The following ERP44 variants were observed in gnomAD, a reference collection of about 807,000 sequenced individuals.
ERP44 encodes endoplasmic reticulum resident protein 44.
ERP44 carries 25 observed loss-of-function variants against 53.4 expected under a neutral mutation model. The observed-to-expected ratio is 0.47, with a 90% confidence interval of 0.34 to 0.65. The LOEUF (loss-of-function observed/expected upper bound fraction) is 0.65. Ranked by LOEUF, ERP44 falls within the 30% of genes least tolerant of loss-of-function variation. ERP44 has a pLI of 0.01. For synonymous variants in ERP44, 145 were observed against 161.2 expected (o/e 0.90, Z 0.76); for missense variants, 338 against 493.2 (o/e 0.69, Z 2.98).
chr9:100,055,355 G>C (rs572748283), intron 3 of ERP44, among the ~76,000 whole-genome samples: 2 of 152,254 alleles, frequency 1.3e-5, no homozygotes, highest in African/African-American at 4.8e-5. Flanking sequence ...CATTTACCCT[G>C]ATGTGTGTTT....
At chr9:100,091,312 A>G (rs1826553841) in intron 1 of ERP44, among the ~76,000 whole-genome samples, 1 of 152,232 alleles carries the variant, frequency 6.6e-6, no homozygotes, top group African/African-American at 2.4e-5. Context: ...GGACAGAACC[A>G]AGACCCACAG....
At chr9:99,983,002 T>C (rs1489152114) in intron 11 of ERP44, among the ~76,000 whole-genome samples, 2 of 152,156 alleles carry the variant, frequency 1.3e-5, no homozygotes, top group African/African-American at 2.4e-5. Context: ...GACACCTGGG[T>C]GCTTTCCTAG....
chr9:99,991,765 C>A (rs926126206), intron 10 of ERP44, among the ~76,000 whole-genome samples: 1 of 151,944 alleles, frequency 6.6e-6, no homozygotes, highest in Non-Finnish European at 1.5e-5. Flanking sequence ...TGATAGACTG[C>A]TAGCAAGACT....
At chr9:99,994,724 C>G (rs1365564595) in intron 10 of ERP44, among the ~76,000 whole-genome samples, 1 of 152,074 alleles carries the variant, frequency 6.6e-6, no homozygotes, top group Non-Finnish European at 1.5e-5. Flanking sequence ...GCTCTATGTA[C>G]CTACTCTTTC....
At chr9:100,056,946 G>A (rs1826093370) in intron 3 of ERP44, among the ~76,000 whole-genome samples, 1 of 152,110 alleles carries the variant, frequency 6.6e-6, no homozygotes, top group Non-Finnish European at 1.5e-5. Context: ...TTAAGAAGGG[G>A]TATAAACTAA....
intron 4 of ERP44, among the ~76,000 whole-genome samples, chr9:100,049,940 A>G (rs1826018697): frequency 6.6e-6 from 1 of 152,174 alleles, no homozygotes; most frequent in African/African-American, 2.4e-5. Context: ...GAACAGATAA[A>G]CAAATTGTGG....
At chr9:100,086,309 T>G (rs192088178) in intron 1 of ERP44, among the ~76,000 whole-genome samples, 11 of 152,358 alleles carry the variant, frequency 7.2e-5, no homozygotes, top group African/African-American at 7.2e-5. Context: ...GATAAGGCTA[T>G]GTCATAACTT....
At chr9:100,052,621 G>T (rs924347407) in intron 3 of ERP44, 89 bp from the exon 4 acceptor site, 33 of 555,724 alleles carry the variant, frequency 5.9e-5, no homozygotes, top group Middle Eastern at 3.0e-4. Context: ...TTTGATATAG[G>T]CATAATAAAC....
intron 8 of ERP44, among the ~76,000 whole-genome samples, chr9:100,014,410 G>T (rs1039090359): frequency 1.3e-5 from 2 of 151,976 alleles, no homozygotes; most frequent in African/African-American, 4.8e-5. Flanking sequence ...TCAGCCTCCC[G>T]AGTAGCTGGG....
chr9:100,007,829 G>A (rs1186243238), intron 8 of ERP44, 140 bp from the exon 9 acceptor site: 2 of 641,520 alleles, frequency 3.1e-6, no homozygotes, highest in Non-Finnish European at 5.6e-6. Context: ...GCCCAGTGGT[G>A]TGAATAAACA....
intron 1 of ERP44, among the ~76,000 whole-genome samples, chr9:100,078,099 C>T (rs1053809776): frequency 3.3e-5 from 5 of 152,242 alleles, no homozygotes; most frequent in South Asian, 2.1e-4. Context: ...AGGACTGTAA[C>T]TGTCATGAGT....
intron 10 of ERP44, among the ~76,000 whole-genome samples, chr9:99,995,978 T>C (rs1288197762): frequency 6.7e-6 from 1 of 149,690 alleles, no homozygotes; most frequent in African/African-American, 2.5e-5. Context: ...CCATAATGAC[T>C]ATACTAATCT....
Position 99,987,039 on chromosome 9 carries a change from A to G in ERP44, c.1017-1970T>C, listed in dbSNP as rs548113900. Among the ~76,000 whole-genome samples the G allele has an allele frequency of 7.9e-5, 12 of 152,364 alleles. No individual in the cohort carries two copies. In the South Asian group the frequency reaches 2.1e-3, roughly 26 times the overall value. On this transcript the variant is annotated intron_variant, in intron 10 of 11. Transcript: ENST00000262455. The stretch of plus-strand genomic sequence containing the variant: ...ATGAACTGCTTCTGCTAGTCAAGAA[A>G]TAATTTATGATTAAATCTTAAATGT...
intron 1 of ERP44, 104 bp downstream of exon 1, chr9:100,098,680 A>C: frequency 1.0e-6 from 1 of 987,978 alleles, no homozygotes; most frequent in African/African-American, 1.6e-5. Context: ...AAAACACTGC[A>C]GGAAAAGACG....
intron 10 of ERP44, among the ~76,000 whole-genome samples, chr9:99,997,598 C>T (rs1463854779): frequency 2.0e-5 from 3 of 152,040 alleles, no homozygotes; most frequent in Admixed American, 1.3e-4. Flanking sequence ...TATCCCTTCC[C>T]GAACAAAATT....
Position 100,085,548 on chromosome 9 carries a change from T to C in ERP44, c.57+13236A>G, listed in dbSNP as rs1826470343. On this transcript the variant is annotated intron_variant, in intron 1 of 11. Coordinates refer to ENST00000262455, the MANE Select transcript of ERP44 (RefSeq NM_015051.3). ...CCAGACCACAGAACTATGATAACTA[T>C]GGTGTACGTAAGTTAAGGTTACAGG... Among the ~76,000 whole-genome samples, 12 of 152,202 alleles carry C rather than the reference T, an allele frequency of 7.9e-5. No individual in the cohort carries two copies. In the South Asian group the frequency reaches 2.5e-3, roughly 32 times the overall value.
At chr9:100,059,085 ATG>A (rs1335786426) in intron 2 of ERP44, among the ~76,000 whole-genome samples, 5 of 152,190 alleles carry the variant, frequency 3.3e-5, no homozygotes, top group Admixed American at 6.5e-5. Flanking sequence ...GCTAAAGTTC[ATG>A]GAACCACTCC....
At chr9:100,057,679 C>A in intron 3 of ERP44, 141 bp downstream of exon 3, 1 of 654,972 alleles carries the variant, frequency 1.5e-6, no homozygotes, top group East Asian at 2.9e-5. Flanking sequence ...AACTACTTCC[C>A]TTGTGGATGA....
chr9:99,995,936 T>A (rs1830305248), intron 10 of ERP44, among the ~76,000 whole-genome samples: 1 of 151,092 alleles, frequency 6.6e-6, no homozygotes, highest in Non-Finnish European at 1.5e-5. Flanking sequence ...TTTTTTTTTT[T>A]TTTTTATTTT....
Sources: gnomAD v4.1 joint callset for allele counts (sites outside exome capture counted in the v4.1 genomes callset) on GRCh38, gnomAD v4.1.1 for gene constraint, MANE v1.5 for transcripts, NCBI Gene and HGNC (gene_info 2026-07-23, HGNC 2026-07-21) for gene names.